The following TNRC6B variants were observed in gnomAD, a reference collection of about 807,000 sequenced individuals.
TNRC6B encodes the protein trinucleotide repeat-containing gene 6B protein.
In TNRC6B, 52 loss-of-function variants were observed where a neutral mutation model predicts 203.6. That is an observed-to-expected ratio of 0.26 (90% confidence interval 0.20 to 0.32). The LOEUF (loss-of-function observed/expected upper bound fraction) is 0.32. Ranked by LOEUF, TNRC6B falls within the 10% of genes least tolerant of loss-of-function variation. The pLI is 1.00. For missense variants in TNRC6B, 1,923 were observed against 2,286.2 expected (o/e 0.84, Z 3.24); for synonymous variants, 838 against 845.7 (o/e 0.99, Z 0.16).
intron 12 of TNRC6B, among the ~76,000 whole-genome samples, chr22:40,296,866 G>T (rs1006262570): frequency 6.6e-6 from 1 of 152,158 alleles, no homozygotes; most frequent in Non-Finnish European, 1.5e-5. Context: ...GGCCTCAAGT[G>T]ATCTCCGCCC....
intron 4 of TNRC6B, among the ~76,000 whole-genome samples, chr22:40,164,017 A>G (rs1005911030): frequency 2.4e-4 from 37 of 152,082 alleles, no homozygotes; most frequent in Non-Finnish European, 4.9e-4. Context: ...ATAAGTTCCC[A>G]TCGACTGTTA....
At chr22:40,137,816 TCTA>T (rs2068612499) in intron 3 of TNRC6B, among the ~76,000 whole-genome samples, 1 of 151,740 alleles carries the variant, frequency 6.6e-6, no homozygotes. Context: ...AAACCGCATC[TCTA>T]CTAAAAATAC....
chr22:40,180,627 G>A (rs1161733447), intron 1 of TNRC6B, among the ~76,000 whole-genome samples: 1 of 152,136 alleles, frequency 6.6e-6, no homozygotes, highest in Non-Finnish European at 1.5e-5. Flanking sequence ...CCAACACGAT[G>A]GTCATCCAGA....
At chr22:40,256,110 A>G (rs1382630325) in intron 3 of TNRC6B, among the ~76,000 whole-genome samples, 2 of 152,142 alleles carry the variant, frequency 1.3e-5, no homozygotes, top group African/African-American at 4.8e-5. Flanking sequence ...TTGGATAATG[A>G]TATGTGGGTG....
intron 15 of TNRC6B, among the ~76,000 whole-genome samples, chr22:40,308,300 G>C (rs964971485): frequency 1.3e-5 from 2 of 152,224 alleles, no homozygotes; most frequent in African/African-American, 4.8e-5. Context: ...ATCGATGGCA[G>C]TCATACACAT....
intron 1 of TNRC6B, among the ~76,000 whole-genome samples, chr22:40,100,168 T>C (rs1280887976): frequency 2.0e-5 from 3 of 151,532 alleles, no homozygotes; most frequent in Non-Finnish European, 4.4e-5. Context: ...CTTACTGCAA[T>C]CTCCACCTTC....
intron 3 of TNRC6B, among the ~76,000 whole-genome samples, chr22:40,143,910 A>G (rs1004628322): frequency 6.6e-6 from 1 of 152,252 alleles, no homozygotes; most frequent in African/African-American, 2.4e-5. Context: ...CAACTCAAAA[A>G]TGTACAAAAG....
At chr22:40,300,759 A>G (rs1421294059) in intron 13 of TNRC6B, 151 bp from the exon 14 acceptor site, 22 of 1,227,884 alleles carry the variant, frequency 1.8e-5, no homozygotes, top group Non-Finnish European at 2.5e-5. Context: ...CTGGAGGAAA[A>G]TGTAACCAAG....
chr22:40,252,603 C>G (rs2070211154), intron 3 of TNRC6B, among the ~76,000 whole-genome samples: 1 of 152,092 alleles, frequency 6.6e-6, no homozygotes, highest in African/African-American at 2.4e-5. Context: ...AGAATGTAGT[C>G]CGGGAGTTTG....
At chr22:40,252,385 G>A (rs2070208150) in intron 3 of TNRC6B, among the ~76,000 whole-genome samples, 1 of 152,162 alleles carries the variant, frequency 6.6e-6, no homozygotes, top group South Asian at 2.1e-4. Flanking sequence ...GTGACAGGGA[G>A]GTCAAGGCTT....
chr22:40,249,616 C>T (rs1490698320), intron 2 of TNRC6B, among the ~76,000 whole-genome samples: 1 of 152,212 alleles, frequency 6.6e-6, no homozygotes, highest in Admixed American at 6.5e-5. Flanking sequence ...ACATATTTGA[C>T]ATTATTTGGG....
chr22:40,143,494 C>T (rs2068661997), intron 3 of TNRC6B, among the ~76,000 whole-genome samples: 2 of 151,894 alleles, frequency 1.3e-5, no homozygotes. Context: ...TGCAATACAT[C>T]TTTTTTTGTG....
intron 6 of TNRC6B, among the ~76,000 whole-genome samples, chr22:40,270,830 A>T (rs147723389): frequency 3.3e-4 from 51 of 152,360 alleles, no homozygotes; most frequent in African/African-American, 1.2e-3. Context: ...TAAATTTAGT[A>T]TCTGGACAGA....
At chr22:40,076,052 T>C (rs1044019656) in intron 1 of TNRC6B, among the ~76,000 whole-genome samples, 1 of 152,228 alleles carries the variant, frequency 6.6e-6, no homozygotes, top group South Asian at 2.1e-4. Flanking sequence ...CCTTTATTCT[T>C]TTGTTTAGAT....
rs1231407512 is a variant in TNRC6B, at chr22:40,328,648, C to G, written c.*5407C>G. The G allele has an allele frequency of 1.3e-5, 2 of 152,048 alleles. No individual in the cohort carries two copies. Among genetic ancestry groups the G allele is most frequent in the African/African-American group, 4.8e-5 (2 of 41,366 alleles). The allele number at this position is 152,048 out of a possible 1,614,324, so 9.4% of individuals were successfully genotyped here. ...TTTATATTCTGCCATCTTGACTCTT[C>G]TCTAAAACAGAATGAAAATGTCTGC... On this transcript the variant is annotated 3_prime_UTR_variant, in exon 23 of 23. Transcript: ENST00000454349.
chr22:40,234,356 G>A (rs888007580), intron 1 of TNRC6B, among the ~76,000 whole-genome samples: 3 of 151,782 alleles, frequency 2.0e-5, no homozygotes, highest in Non-Finnish European at 4.4e-5. Context: ...ATAATGAGGC[G>A]AATGCTTGAT....
At chr22:40,226,477 G>A (rs182533753) in intron 1 of TNRC6B, among the ~76,000 whole-genome samples, 7 of 152,254 alleles carry the variant, frequency 4.6e-5, no homozygotes, top group Admixed American at 2.6e-4. Flanking sequence ...AGTAGATACC[G>A]TGTGATCTCA....
chr22:40,254,757 T>G lies in TNRC6B; in HGVS notation c.115+3557T>G, dbSNP rs192989467. ...AAAAAATTAGCCAGGCGTGGTGGCA[T>G]GTGCCTGTAGTCCCAACTACTCAGG... On this transcript the variant is annotated intron_variant, in intron 3 of 22. Transcript: ENST00000454349. Among the ~76,000 whole-genome samples the G allele has an allele frequency of 3.6e-3, 545 of 152,136 alleles. 1 individual carries two copies. The highest frequency in any genetic ancestry group is 5.4e-3 in the Non-Finnish European group (370 of 67,970).
chr22:40,254,349 G>A (rs1269164201), intron 3 of TNRC6B, among the ~76,000 whole-genome samples: 1 of 152,112 alleles, frequency 6.6e-6, no homozygotes, highest in Non-Finnish European at 1.5e-5. Flanking sequence ...CATAGATATT[G>A]AGCCTTGTTA....
Sources: allele counts gnomAD v4.1 joint callset (sites outside exome capture counted in the v4.1 genomes callset), GRCh38; gene constraint gnomAD v4.1.1; transcripts MANE v1.5; gene names NCBI Gene and HGNC (gene_info 2026-07-23, HGNC 2026-07-21).